The following HS6ST2 variants were observed in gnomAD, a reference collection of about 807,000 sequenced individuals.
The protein encoded by HS6ST2 is heparan-sulfate 6-O-sulfotransferase 2.
Under a neutral mutation model 33.0 loss-of-function variants are expected in HS6ST2, and 17 were observed. The ratio of observed to expected loss-of-function variants is 0.52; its 90% CI spans 0.35 to 0.77. The LOEUF (loss-of-function observed/expected upper bound fraction) is 0.77. HS6ST2 is among the 30% of genes least tolerant of loss of function. HS6ST2 has a pLI of 0.01. For synonymous variants in HS6ST2, 248 were observed against 237.1 expected, an observed-to-expected ratio of 1.05 and a Z score of -0.42; for missense variants, 519 against 551.7, an observed-to-expected ratio of 0.94 and a Z score of 0.59.
At chrX:132,768,137 G>A (rs1399657822) in intron 2 of HS6ST2, among the ~76,000 whole-genome samples, 1 of 110,242 alleles carries the variant, frequency 9.1e-6, no homozygotes, top group Admixed American at 9.8e-5. Context: ...AGGAGTTTGA[G>A]ACCAGCCTGG....
At chrX:132,860,803 T>C (rs2065905142) in intron 2 of HS6ST2, among the ~76,000 whole-genome samples, 1 of 71,467 alleles carries the variant, frequency 1.4e-5, no homozygotes, top group Non-Finnish European at 2.6e-5. Flanking sequence ...TTTTTTTTTT[T>C]TGGACATGGA....
chrX:132,802,145 T>C lies in HS6ST2; in HGVS notation c.948-93651A>G, dbSNP rs1022066633. Among the ~76,000 whole-genome samples, 10 of 112,301 alleles carry C rather than the reference T, an allele frequency of 8.9e-5. No individual in the cohort carries two copies. The Admixed American group carries it at 9.5e-4, about 11-fold the overall frequency. ...GAAGGCATGTGTCAAAGGCAGGTGATGATAACAAGGAAAGCCATAAGTGGT... is the reference window on the plus strand; with the variant it reads ...GAAGGCATGTGTCAAAGGCAGGTGACGATAACAAGGAAAGCCATAAGTGGT... On this transcript the variant is annotated intron_variant, in intron 2 of 4. Coordinates refer to ENST00000370833, the MANE Select transcript of HS6ST2 (RefSeq NM_001394073.1).
Position 132,718,594 on chromosome X carries a change from T to C in HS6ST2, c.948-10100A>G, listed in dbSNP as rs570294620. Among the ~76,000 whole-genome samples, 32 of 111,220 alleles carry C rather than the reference T, an allele frequency of 2.9e-4. 1 individual carries two copies. The South Asian group carries it at 0.012, about 43-fold the overall frequency. ...GCTGGGGACTGCATCCTACTTACTG[T>C]ACAAGGCTGCAGCACACTCTGAAGT... On this transcript the variant is annotated intron_variant, in intron 2 of 4. Coordinates refer to ENST00000370833, the MANE Select transcript of HS6ST2 (RefSeq NM_001394073.1).
intron 4 of HS6ST2, among the ~76,000 whole-genome samples, chrX:132,630,946 C>T (rs1275504839): frequency 9.0e-6 from 1 of 111,415 alleles, no homozygotes; most frequent in African/African-American, 3.3e-5. Context: ...CCCTACCCCT[C>T]CACCCCACTG....
rs769513791 is a variant in HS6ST2, at chrX:132,922,230, G to A, written c.947+34578C>T. On this transcript the variant is annotated intron_variant, in intron 2 of 4. Coordinates refer to ENST00000370833, the MANE Select transcript of HS6ST2 (RefSeq NM_001394073.1). ...ATCCTGGCTAACATGGTGAAACCCC[G>A]TCTCTACTAAAAATACAAAACCAAA... Among the ~76,000 whole-genome samples, 28 of 111,566 alleles carry A rather than the reference G, an allele frequency of 2.5e-4. No individual in the cohort carries two copies. In the South Asian group the frequency reaches 3.4e-3, roughly 13 times the overall value.
chrX:132,747,349 C>T (rs1168447755), intron 2 of HS6ST2, among the ~76,000 whole-genome samples: 1 of 111,910 alleles, frequency 8.9e-6, no homozygotes, highest in Non-Finnish European at 1.9e-5. Flanking sequence ...AGGCATATAA[C>T]ATAGGAAAGC....
chrX:132,753,398 C>T (rs1318127254), intron 2 of HS6ST2, among the ~76,000 whole-genome samples: 2 of 111,238 alleles, frequency 1.8e-5, no homozygotes, highest in Admixed American at 1.9e-4. Flanking sequence ...TGTAATAATC[C>T]CCCATGTCAA....
intron 2 of HS6ST2, among the ~76,000 whole-genome samples, chrX:132,955,199 G>C (rs1308596520): frequency 2.7e-5 from 3 of 112,389 alleles, no homozygotes; most frequent in African/African-American, 6.5e-5. Flanking sequence ...AATTGTTTGG[G>C]AACTTATTAA....
chrX:132,937,060 C>T (rs1264174105), intron 2 of HS6ST2, among the ~76,000 whole-genome samples: 1 of 111,155 alleles, frequency 9.0e-6, no homozygotes, highest in African/African-American at 3.3e-5. Context: ...TGTTTTGATA[C>T]ACCATTAACA....
intron 2 of HS6ST2, among the ~76,000 whole-genome samples, chrX:132,946,379 C>A (rs926949254): frequency 8.9e-6 from 1 of 112,103 alleles, no homozygotes; most frequent in African/African-American, 3.2e-5. Flanking sequence ...AAATGTCCAT[C>A]ATTGATAGAC....
At chrX:132,911,571 T>A (rs1010361915) in intron 2 of HS6ST2, among the ~76,000 whole-genome samples, 1 of 111,153 alleles carries the variant, frequency 9.0e-6, no homozygotes, top group Non-Finnish European at 1.9e-5. Context: ...GCTAATTCTT[T>A]CCCATGATCC....
At chrX:132,658,484 C>CTT (rs144502822) in intron 4 of HS6ST2, among the ~76,000 whole-genome samples, 71 of 109,116 alleles carry the variant, frequency 6.5e-4, no homozygotes, top group Non-Finnish European at 1.2e-3. Flanking sequence ...TTTTCTTTTT[C>CTT]TTTTTTTTTG....
intron 2 of HS6ST2, among the ~76,000 whole-genome samples, chrX:132,826,612 T>C: frequency 9.1e-6 from 1 of 109,627 alleles, no homozygotes; most frequent in South Asian, 3.8e-4. Flanking sequence ...TCACATTTTA[T>C]ATATATATAT....
intron 4 of HS6ST2, among the ~76,000 whole-genome samples, chrX:132,639,652 ATCT>A (rs1350973216): frequency 9.0e-6 from 1 of 111,539 alleles, no homozygotes; most frequent in Non-Finnish European, 1.9e-5. Context: ...TCTATGTGAC[ATCT>A]TCTGTCAAAT....
rs1276990594 is a variant in HS6ST2 at position 132,958,536 on chromosome X, C to A, written c.67G>T (p.Val23Phe). The change falls in exon 1 of 5, where the codon GTC becomes TTC. Residue 23 changes from valine to phenylalanine, a missense_variant. Coordinates refer to ENST00000370833, the MANE Select transcript of HS6ST2 (RefSeq NM_001394073.1). ...PPRQPERGAP[V>F]RTTCPRRHSR... ...TGCCGGCGGGGACAGGTGGTGCGGACGGGCGCTCCTCGCTCCGGTTGCCGC... is the reference window on the plus strand; with the variant it reads ...TGCCGGCGGGGACAGGTGGTGCGGAAGGGCGCTCCTCGCTCCGGTTGCCGC... 1.7e-6 allele frequency: 2 copies of A among 1,184,538 alleles called. No individual in the cohort carries two copies. Among genetic ancestry groups the A allele is most frequent in the African/African-American group, 3.5e-5 (2 of 57,241 alleles).
At chrX:132,681,281 TA>T (rs1229759806) in intron 3 of HS6ST2, among the ~76,000 whole-genome samples, 1 of 112,214 alleles carries the variant, frequency 8.9e-6, no homozygotes, top group Non-Finnish European at 1.9e-5. Flanking sequence ...AAAAGTTAAT[TA>T]AAAAAAGAAA....
At chrX:132,724,136 CAAAAA>C (rs1256578398) in intron 2 of HS6ST2, among the ~76,000 whole-genome samples, 1 of 78,763 alleles carries the variant, frequency 1.3e-5, no homozygotes, top group African/African-American at 5.3e-5. Flanking sequence ...GACTCCATTT[CAAAAA>C]GAAAAGAAAA....
intron 2 of HS6ST2, among the ~76,000 whole-genome samples, chrX:132,880,375 A>T (rs1199540535): frequency 1.8e-5 from 2 of 109,745 alleles, no homozygotes; most frequent in African/African-American, 3.3e-5. Context: ...GTCTCTCCTA[A>T]AAATACAAAA....
At chrX:132,799,370 C>CTT (rs771580446) in intron 2 of HS6ST2, among the ~76,000 whole-genome samples, 1,215 of 99,240 alleles carry the variant, frequency 0.012, 26 homozygotes, top group African/African-American at 0.041. Flanking sequence ...TTCTCTTTTA[C>CTT]TTTTTTTTTT....
Sources: allele counts gnomAD v4.1 joint callset (sites outside exome capture counted in the v4.1 genomes callset), GRCh38; gene constraint gnomAD v4.1.1; transcripts MANE v1.5; gene names NCBI Gene and HGNC (gene_info 2026-07-23, HGNC 2026-07-21).